The following PCLO variants were observed in gnomAD, a reference collection of about 807,000 sequenced individuals.
The protein encoded by PCLO is protein piccolo.
PCLO carries 82 observed loss-of-function variants against 427.5 expected under a neutral mutation model. The ratio of observed to expected loss-of-function variants is 0.19; its 90% CI spans 0.16 to 0.23. The LOEUF (loss-of-function observed/expected upper bound fraction) is 0.23, where lower values mean the gene tolerates loss of function less well. Ranked by LOEUF, PCLO falls within the 10% of genes least tolerant of loss-of-function variation. The pLI, the probability that PCLO is intolerant of heterozygous loss-of-function variation, is 1.00. For synonymous variants in PCLO, 2,357 were observed against 2,155.4 expected (o/e 1.09, Z -2.59); for missense variants, 6,239 against 6,115.9 (o/e 1.02, Z -0.67).
At chr7:82,989,724 T>C (rs1796335613) in intron 3 of PCLO, among the ~76,000 whole-genome samples, 1 of 152,182 alleles carries the variant, frequency 6.6e-6, no homozygotes, top group South Asian at 2.1e-4. Context: ...GATGCTATTT[T>C]TGAAATATCA....
chr7:82,828,929 CAT>C (rs1399815090), intron 16 of PCLO, among the ~76,000 whole-genome samples: 4 of 152,148 alleles, frequency 2.6e-5, no homozygotes, highest in African/African-American at 9.6e-5. Flanking sequence ...GGGGTCTTGA[CAT>C]GTGTCTGGAT....
chr7:83,103,875 C>T (rs1398502739), intron 3 of PCLO, among the ~76,000 whole-genome samples: 1 of 151,854 alleles, frequency 6.6e-6, no homozygotes, highest in African/African-American at 2.4e-5. Flanking sequence ...CTCATTTACC[C>T]CAAATAAAGA....
intron 3 of PCLO, among the ~76,000 whole-genome samples, chr7:83,124,095 G>C (rs995423809): frequency 1.3e-5 from 2 of 151,660 alleles, no homozygotes; most frequent in Non-Finnish European, 2.9e-5. Context: ...CGGATCATGA[G>C]GTCAGGAAAT....
intron 20 of PCLO, among the ~76,000 whole-genome samples, chr7:82,818,057 G>A (rs1395726791): frequency 6.6e-6 from 1 of 151,388 alleles, no homozygotes; most frequent in Non-Finnish European, 1.5e-5. Flanking sequence ...AAATGGCAAG[G>A]TTTGTGTTCA....
At position 82,966,051 on chromosome 7, in the gene PCLO, T is replaced by C. The variant is rs1228289353; in HGVS notation, c.3737A>G (p.Lys1246Arg). ...TGTTTTTGCCTCTGGGAGTAGCTTT[T>C]TGTCTTCAGGGGTTGGCTTTTTTTC... ...LEEKKPTPED[K>R]KLLPEAKTSA... Residue 1246 changes from lysine (K) to arginine (R), a missense_variant, in exon 4 of 25, where the codon AAA becomes AGA. This residue lies in a region of PCLO where 4,677 missense variants were observed against 4,468.4 expected (regional missense o/e 1.05). Transcript: ENST00000333891. The C allele has an allele frequency of 6.2e-7, 1 of 1,613,484 alleles. No homozygotes were observed.
chr7:83,108,485 C>T (rs750299341), intron 3 of PCLO, among the ~76,000 whole-genome samples: 1 of 151,802 alleles, frequency 6.6e-6, no homozygotes, highest in Non-Finnish European at 1.5e-5. Context: ...TATGTGCTGT[C>T]AAAACTTAAA....
intron 3 of PCLO, among the ~76,000 whole-genome samples, chr7:83,097,846 T>C (rs891865897): frequency 2.0e-5 from 3 of 151,894 alleles, no homozygotes; most frequent in African/African-American, 4.8e-5. Context: ...ATAAGAAACG[T>C]TGAACATCTT....
chr7:82,850,824 T>C (rs1451103474), intron 10 of PCLO, among the ~76,000 whole-genome samples: 1 of 152,142 alleles, frequency 6.6e-6, no homozygotes, highest in Non-Finnish European at 1.5e-5. Context: ...AAAATGATAG[T>C]CTACTAGAAA....
At chr7:82,985,196 T>A (rs1796231372) in intron 3 of PCLO, among the ~76,000 whole-genome samples, 1 of 151,934 alleles carries the variant, frequency 6.6e-6, no homozygotes, top group Admixed American at 6.6e-5. Context: ...GCTCAATCCA[T>A]GAAAAGCAAT....
At chr7:82,948,745 T>C (rs1795261242) in intron 6 of PCLO, among the ~76,000 whole-genome samples, 1 of 152,126 alleles carries the variant, frequency 6.6e-6, no homozygotes, top group Non-Finnish European at 1.5e-5. Context: ...AGCATACCTA[T>C]ATATTTGAAA....
At chr7:82,849,396 C>G (rs1792590185) in intron 10 of PCLO, among the ~76,000 whole-genome samples, 1 of 152,150 alleles carries the variant, frequency 6.6e-6, no homozygotes, top group African/African-American at 2.4e-5. Context: ...TGCGCCACCT[C>G]AGTTTCCCAC....
chr7:83,000,374 C>A (rs1351866068), intron 3 of PCLO, among the ~76,000 whole-genome samples: 1 of 151,420 alleles, frequency 6.6e-6, no homozygotes, highest in Non-Finnish European at 1.5e-5. Context: ...AAATAAAGAA[C>A]TTATCAAGTA....
At chr7:83,077,907 C>T (rs1339873947) in intron 3 of PCLO, among the ~76,000 whole-genome samples, 2 of 152,050 alleles carry the variant, frequency 1.3e-5, no homozygotes, top group Non-Finnish European at 2.9e-5. Context: ...AATGCAGACG[C>T]TTAATGGGAA....
chr7:83,148,279 A>G (rs1227782008), intron 2 of PCLO, among the ~76,000 whole-genome samples: 1 of 152,164 alleles, frequency 6.6e-6, no homozygotes, highest in East Asian at 1.9e-4. Flanking sequence ...AATAGAAGGG[A>G]GTGAGGGAAC....
At chr7:82,920,613 T>C (rs1454729150) in intron 6 of PCLO, among the ~76,000 whole-genome samples, 1 of 151,804 alleles carries the variant, frequency 6.6e-6, no homozygotes, top group Non-Finnish European at 1.5e-5. Flanking sequence ...AGGATAAGGT[T>C]TGCTGTCCAA....
intron 3 of PCLO, among the ~76,000 whole-genome samples, chr7:83,016,972 T>C (rs1788224438): frequency 6.6e-6 from 1 of 152,062 alleles, no homozygotes; most frequent in Non-Finnish European, 1.5e-5. Flanking sequence ...CACTTAAGAA[T>C]GGCTTAAAGT....
rs57121344 is a variant in PCLO at position 82,841,356 on chromosome 7, C to T, written c.14097+103G>A. 4.1e-3 allele frequency: 2,970 copies of T among 726,102 alleles called. 61 individuals are homozygous for T. In the African/African-American group the frequency reaches 0.047, roughly 11 times the overall value. The allele number at this position is 726,102 out of a possible 1,614,324, so 45.0% of individuals were successfully genotyped here. ...TTCCTTTACAGTTCTGTATATATTACAGAATAAGAAAAATCCTAACAGTGT... is the reference window on the plus strand; with the variant it reads ...TTCCTTTACAGTTCTGTATATATTATAGAATAAGAAAAATCCTAACAGTGT... On this transcript the variant is annotated intron_variant, in intron 14 of 24. Transcript: ENST00000333891.
chr7:82,923,314 A>C (rs1224574674), intron 6 of PCLO, among the ~76,000 whole-genome samples: 2 of 152,072 alleles, frequency 1.3e-5, no homozygotes, highest in Non-Finnish European at 2.9e-5. Context: ...GTGATGCCTT[A>C]ATTCCTGTGA....
At chr7:83,110,562 G>C (rs1255916070) in intron 3 of PCLO, among the ~76,000 whole-genome samples, 1 of 151,366 alleles carries the variant, frequency 6.6e-6, no homozygotes, top group Non-Finnish European at 1.5e-5. Flanking sequence ...CCTTTTCTTT[G>C]TTATCACAAT....
Sources: gnomAD v4.1 joint callset for allele counts (sites outside exome capture counted in the v4.1 genomes callset) on GRCh38, gnomAD v4.1.1 for gene constraint, gnomAD v4.1.1 regional missense constraint, MANE v1.5 for transcripts, NCBI Gene and HGNC (gene_info 2026-07-23, HGNC 2026-07-21) for gene names.